The following STAP1 variants were observed in gnomAD, a reference collection of about 807,000 sequenced individuals.
STAP1 encodes the protein signal transducing adaptor family member 1.
STAP1 carries 30 observed loss-of-function variants against 37.8 expected under a neutral mutation model. The ratio of observed to expected loss-of-function variants is 0.79; its 90% CI spans 0.59 to 1.08. The LOEUF is 1.08. STAP1 is among the 50% of genes least tolerant of loss of function. The pLI is 0.00. For missense variants in STAP1, 357 were observed against 349.4 expected (o/e 1.02, Z -0.17); for synonymous variants, 130 against 116.0 (o/e 1.12, Z -0.78).
chr4:67,578,428 A>C (rs1727774444), intron 4 of STAP1, among the ~76,000 whole-genome samples: 1 of 152,240 alleles, frequency 6.6e-6, no homozygotes, highest in African/African-American at 2.4e-5. Flanking sequence ...TTCAGCCAGT[A>C]ACAGGTAAAA....
intron 3 of STAP1, 37 bp from the exon 4 acceptor site, chr4:67,577,166 C>T (rs747562152): frequency 1.9e-6 from 3 of 1,562,936 alleles, no homozygotes; most frequent in Non-Finnish European, 1.7e-6. Context: ...CATGTATTTC[C>T]TTCTTTGGCT....
At chr4:67,584,784 T>C (rs1371276897) in intron 6 of STAP1, among the ~76,000 whole-genome samples, 1 of 151,876 alleles carries the variant, frequency 6.6e-6, no homozygotes, top group East Asian at 1.9e-4. Flanking sequence ...GATTCCAGAG[T>C]CAGGGTAGGG....
rs375952499 is a variant in STAP1, at chr4:67,569,791, A to G, written c.121-1293A>G. ...GTCGCCCAGGCTGGAGTGCAGTTGC[A>G]TGATCTTGGCTCATTGCAACCTCTG... On this transcript the variant is annotated intron_variant, in intron 1 of 8. Transcript: ENST00000265404. Among the ~76,000 whole-genome samples the G allele has an allele frequency of 3.9e-4, 59 of 152,206 alleles. 5 individuals are homozygous for G. The highest frequency in any genetic ancestry group is 2.2e-3 in the Admixed American group (33 of 15,284).
rs534944578 is a variant in STAP1, at chr4:67,581,510, T to C, written c.530+39T>C. Reference sequence around the variant, plus strand: ...GAACTGCAGTTTATTCATTCGATTGTTAAAACTAATTTCTAATTATAAAGG... The same window carrying C: ...GAACTGCAGTTTATTCATTCGATTGCTAAAACTAATTTCTAATTATAAAGG... On this transcript the variant is annotated intron_variant, in intron 5 of 8. Coordinates refer to ENST00000265404, the MANE Select transcript of STAP1 (RefSeq NM_012108.4). The C allele has an allele frequency of 1.3e-5, 21 of 1,562,398 alleles. 2 individuals carry two copies. The South Asian group carries it at 2.6e-4, about 19-fold the overall frequency.
At chr4:67,585,665 G>A (rs1044722058) in intron 6 of STAP1, among the ~76,000 whole-genome samples, 2 of 152,092 alleles carry the variant, frequency 1.3e-5, no homozygotes, top group African/African-American at 4.8e-5. Flanking sequence ...CAATTCTATT[G>A]AAATACAGTA....
chr4:67,566,031 C>G (rs1317463240), intron 1 of STAP1, among the ~76,000 whole-genome samples: 1 of 146,086 alleles, frequency 6.8e-6, no homozygotes, highest in Admixed American at 7.1e-5. Context: ...TCACTGCAAC[C>G]TTCGCTTCCT....
chr4:67,590,858 G>A, intron 6 of STAP1, 26 bp from the exon 7 acceptor site: 1 of 1,567,216 alleles, frequency 6.4e-7, no homozygotes, highest in East Asian at 2.3e-5. Flanking sequence ...TAATAAAATG[G>A]AGACTAACCA....
At chr4:67,558,967 T>G in intron 1 of STAP1, 38 bp downstream of exon 1, 1 of 1,516,530 alleles carries the variant, frequency 6.6e-7, no homozygotes, top group Non-Finnish European at 8.9e-7. Context: ...CTAAGACTTC[T>G]GTTTTAATTT....
intron 8 of STAP1, among the ~76,000 whole-genome samples, chr4:67,602,760 GA>G (rs1217468558): frequency 6.6e-6 from 1 of 152,130 alleles, no homozygotes; most frequent in Non-Finnish European, 1.5e-5. Context: ...GAGCTGCCTG[GA>G]GCTGGGGGAG....
At chr4:67,596,284 CT>C (rs1022869319) in intron 8 of STAP1, among the ~76,000 whole-genome samples, 1 of 152,154 alleles carries the variant, frequency 6.6e-6, no homozygotes. Context: ...TCCCCTTCAC[CT>C]TCTGTCATGA....
intron 3 of STAP1, among the ~76,000 whole-genome samples, chr4:67,576,216 C>T (rs1251458145): frequency 6.6e-6 from 1 of 152,186 alleles, no homozygotes; most frequent in African/African-American, 2.4e-5. Flanking sequence ...CGTTTTTCTC[C>T]TCTCCTATGC....
At chr4:67,572,512 A>G (rs1727627179) in intron 2 of STAP1, among the ~76,000 whole-genome samples, 1 of 152,158 alleles carries the variant, frequency 6.6e-6, no homozygotes, top group Admixed American at 6.5e-5. Context: ...GTCCAACCCA[A>G]TAGGAACTCA....
At chr4:67,595,784 C>A (rs10212881) in intron 8 of STAP1, among the ~76,000 whole-genome samples, 19,373 of 152,114 alleles carry the variant, frequency 0.13, 2,327 homozygotes, top group African/African-American at 0.32. Context: ...ATTTTAGAAT[C>A]ATCCTGTTGC....
At chr4:67,597,612 G>A (rs915619544) in intron 8 of STAP1, among the ~76,000 whole-genome samples, 2 of 152,230 alleles carry the variant, frequency 1.3e-5, no homozygotes, top group African/African-American at 4.8e-5. Flanking sequence ...GAGTCACAGG[G>A]GTGGAGCTGT....
chr4:67,595,385 A>C (rs1183588253), intron 8 of STAP1, among the ~76,000 whole-genome samples: 27 of 90,816 alleles, frequency 3.0e-4, no homozygotes, highest in Non-Finnish European at 1.7e-4. Context: ...AAAAAAAAAA[A>C]AAAAAAAAAA....
chr4:67,589,862 C>T (rs565902639), intron 6 of STAP1, among the ~76,000 whole-genome samples: 6 of 151,594 alleles, frequency 4.0e-5, no homozygotes, highest in South Asian at 2.1e-4. Flanking sequence ...TAGAATGCAG[C>T]GGCACCATCA....
rs375736466 is a variant in STAP1, at chr4:67,582,311, T to TG, written c.530+841dup. On this transcript the variant is annotated intron_variant, in intron 5 of 8. Transcript: ENST00000265404. ...GCTATTAACATTTTAGTTTTTTTTT[T>TG]GTTTTTTTTGTTTTTTTTGAGACAG... Among the ~76,000 whole-genome samples the TG allele has an allele frequency of 3.1e-3, 240 of 76,796 alleles. 3 individuals carry two copies. Among genetic ancestry groups the TG allele is most frequent in the African/African-American group, 4.9e-3 (131 of 26,816 alleles). The allele number at this position is 76,796 out of a possible 152,430, so 50.4% of individuals were successfully genotyped here. A position where few individuals can be genotyped will look rare whatever the true frequency, so the allele number is the denominator to read the frequency against.
chr4:67,595,861 G>A (rs985105836), intron 8 of STAP1, among the ~76,000 whole-genome samples: 6 of 152,186 alleles, frequency 3.9e-5, no homozygotes, highest in East Asian at 1.9e-4. Flanking sequence ...AGTTCAGGAA[G>A]AACTGACATC....
chr4:67,589,612 C>T (rs1246428043), intron 6 of STAP1, among the ~76,000 whole-genome samples: 1 of 152,114 alleles, frequency 6.6e-6, no homozygotes, highest in East Asian at 1.9e-4. Flanking sequence ...GTCATTCAAG[C>T]AAATGACAAT....
Sources: gnomAD v4.1 joint callset for allele counts (sites outside exome capture counted in the v4.1 genomes callset) on GRCh38, gnomAD v4.1.1 for gene constraint, MANE v1.5 for transcripts, NCBI Gene and HGNC (gene_info 2026-07-23, HGNC 2026-07-21) for gene names.